Variants in IL34 observed in about 807,000 individuals in gnomAD.
IL34 encodes the protein interleukin 34.
Under a neutral mutation model 25.3 loss-of-function variants are expected in IL34, and 17 were observed. The ratio of observed to expected loss-of-function variants is 0.67; its 90% CI spans 0.46 to 1.01. The LOEUF (loss-of-function observed/expected upper bound fraction) is 1.01. IL34 is among the 50% of genes least tolerant of loss of function. The pLI is 0.00. For missense variants in IL34, 368 were observed against 312.9 expected, an observed-to-expected ratio of 1.18 and a Z score of -1.33; for synonymous variants, 174 against 140.9, an observed-to-expected ratio of 1.23 and a Z score of -1.66.
intron 1 of IL34, among the ~76,000 whole-genome samples, chr16:70,599,449 C>T (rs557794816): frequency 7.9e-5 from 12 of 151,384 alleles, no homozygotes; most frequent in East Asian, 3.9e-4. Flanking sequence ...CTTTGCCTCC[C>T]GGGTTCAAGC....
intron 1 of IL34, among the ~76,000 whole-genome samples, chr16:70,626,106 A>G (rs1052169065): frequency 3.3e-5 from 5 of 152,242 alleles, no homozygotes; most frequent in African/African-American, 1.2e-4. Context: ...GCTGAGTCCA[A>G]AAAGAGAGTC....
chr16:70,617,718 A>G (rs1370599567), intron 1 of IL34, among the ~76,000 whole-genome samples: 1 of 152,108 alleles, frequency 6.6e-6, no homozygotes, highest in African/African-American at 2.4e-5. Context: ...ACTTTTCTTG[A>G]AGACGGAGGA....
intron 1 of IL34, among the ~76,000 whole-genome samples, chr16:70,618,183 C>A (rs2051204066): frequency 1.3e-5 from 2 of 151,996 alleles, no homozygotes; most frequent in Non-Finnish European, 2.9e-5. Flanking sequence ...TATAGCATAG[C>A]CTGCCTTTGC....
At chr16:70,605,874 G>T (rs2050995227) in intron 1 of IL34, among the ~76,000 whole-genome samples, 1 of 150,454 alleles carries the variant, frequency 6.6e-6, no homozygotes, top group African/African-American at 2.4e-5. Flanking sequence ...GTTTCATCAT[G>T]TTGGCCAGGC....
chr16:70,583,463 T>C (rs993082320), intron 1 of IL34, among the ~76,000 whole-genome samples: 5 of 151,890 alleles, frequency 3.3e-5, no homozygotes, highest in African/African-American at 1.2e-4. Flanking sequence ...ACGAAGCGAG[T>C]GTTAGCAGCT....
chr16:70,583,869 C>G lies in IL34; in HGVS notation c.-401+3820C>G, dbSNP rs2050662247. On this transcript the variant is annotated intron_variant, in intron 1 of 6. Coordinates refer to the IL34 transcript ENST00000429149. ...GTTTCACCATGTTGGCCAGGCTGATCTCAAACTCCTGATCTCAAGCGATCC... is the reference window on the plus strand; with the variant it reads ...GTTTCACCATGTTGGCCAGGCTGATGTCAAACTCCTGATCTCAAGCGATCC... Among the ~76,000 whole-genome samples, 4 of 152,178 alleles carry G rather than the reference C, an allele frequency of 2.6e-5. No individual in the cohort carries two copies. The South Asian group carries it at 6.2e-4, about 24-fold the overall frequency.
At chr16:70,591,538 C>T (rs1010770313) in intron 1 of IL34, among the ~76,000 whole-genome samples, 2 of 150,804 alleles carry the variant, frequency 1.3e-5, no homozygotes, top group Non-Finnish European at 2.9e-5. Context: ...CATTGTACTC[C>T]AGCCTGAGTA....
chr16:70,619,312 G>T (rs2051228716), intron 1 of IL34, among the ~76,000 whole-genome samples: 1 of 152,094 alleles, frequency 6.6e-6, no homozygotes, highest in Non-Finnish European at 1.5e-5. Flanking sequence ...TGTGGGTTAA[G>T]GTGGGGGAAT....
intron 1 of IL34, among the ~76,000 whole-genome samples, chr16:70,635,323 C>T (rs1040060740): frequency 1.6e-4 from 25 of 152,232 alleles, no homozygotes; most frequent in Non-Finnish European, 1.8e-4. Flanking sequence ...GTTTCCATCA[C>T]AGAGCTGTCA....
At chr16:70,626,646 TC>T (rs1355145771) in intron 1 of IL34, among the ~76,000 whole-genome samples, 1 of 152,204 alleles carries the variant, frequency 6.6e-6, no homozygotes, top group African/African-American at 2.4e-5. Context: ...TCTGCCCACC[TC>T]AGCCTCCCAA....
At chr16:70,625,513 GAGA>G (rs1297928774) in intron 1 of IL34, among the ~76,000 whole-genome samples, 1 of 152,096 alleles carries the variant, frequency 6.6e-6, no homozygotes, top group Non-Finnish European at 1.5e-5. Context: ...TAGAGAGGGA[GAGA>G]AGGAGTTGGG....
upstream of IL34, among the ~76,000 whole-genome samples, chr16:70,643,068 TTTTA>T (rs2051824587): frequency 6.6e-6 from 1 of 152,110 alleles, no homozygotes; most frequent in African/African-American, 2.4e-5. Context: ...TTTTATTTAT[TTTTA>T]TTTATTTTTG....
At chr16:70,631,607 G>A (rs2051519547) in intron 1 of IL34, among the ~76,000 whole-genome samples, 1 of 152,012 alleles carries the variant, frequency 6.6e-6, no homozygotes, top group African/African-American at 2.4e-5. Context: ...AACTAAACTT[G>A]GGACTCACTT....
At position 70,646,935 on chromosome 16, in the gene IL34, G is replaced by C; in HGVS notation, c.-13G>C. The C allele has an allele frequency of 4.1e-6, 6 of 1,478,900 alleles. No homozygotes were observed. The highest frequency in any genetic ancestry group is 5.4e-6 in the Non-Finnish European group (6 of 1,119,930). 91.6% of individuals were successfully genotyped at this position (1,478,900 alleles called of 1,614,324 possible). On this transcript the variant is annotated 5_prime_UTR_variant, in exon 1 of 6. Coordinates refer to ENST00000288098, the MANE Select transcript of IL34 (RefSeq NM_001393494.1). ...ACGGCGCCTGAGCTCTCAGGGGGACGAGGAACACCACCATGCCCCGGGGCT... is the reference window on the plus strand; with the variant it reads ...ACGGCGCCTGAGCTCTCAGGGGGACCAGGAACACCACCATGCCCCGGGGCT...
chr16:70,618,062 T>TGAG (rs1724236568), intron 1 of IL34, among the ~76,000 whole-genome samples: 1 of 152,068 alleles, frequency 6.6e-6, no homozygotes, highest in South Asian at 2.1e-4. Context: ...GAATAATCCC[T>TGAG]GAGGAGTAGT....
intron 1 of IL34, among the ~76,000 whole-genome samples, chr16:70,622,796 G>T (rs1482800025): frequency 6.6e-6 from 1 of 152,070 alleles, no homozygotes; most frequent in Non-Finnish European, 1.5e-5. Flanking sequence ...ATAGATTTTG[G>T]AAGTTATGAG....
chr16:70,632,426 C>T (rs1318270737), intron 1 of IL34, among the ~76,000 whole-genome samples: 1 of 152,112 alleles, frequency 6.6e-6, no homozygotes, highest in Non-Finnish European at 1.5e-5. Context: ...AGGTGTTTAG[C>T]CTATAGGAAC....
chr16:70,622,366 G>A (rs2151839023), intron 1 of IL34, among the ~76,000 whole-genome samples: 1 of 151,996 alleles, frequency 6.6e-6, no homozygotes, highest in South Asian at 2.1e-4. Flanking sequence ...GAAGGGAGGA[G>A]GCCTGAATAA....
At chr16:70,612,935 G>A (rs966506462) in intron 1 of IL34, among the ~76,000 whole-genome samples, 1 of 152,170 alleles carries the variant, frequency 6.6e-6, no homozygotes, top group African/African-American at 2.4e-5. Context: ...ACCACGCCCA[G>A]CTAATTTTTA....
Sources: gnomAD v4.1 joint callset for allele counts (sites outside exome capture counted in the v4.1 genomes callset) on GRCh38, gnomAD v4.1.1 for gene constraint, MANE v1.5 for transcripts, NCBI Gene and HGNC (gene_info 2026-07-23, HGNC 2026-07-21) for gene names.